The following TAFA2 variants were observed in gnomAD, a reference collection of about 807,000 sequenced individuals.
TAFA2 encodes the protein TAFA chemokine like family member 2, also known as chemokine-like protein TAFA-2.
Under a neutral mutation model 18.8 loss-of-function variants are expected in TAFA2, and 7 were observed. The observed-to-expected ratio is 0.37, with a 90% CI of 0.21 to 0.70. The LOEUF (loss-of-function observed/expected upper bound fraction) is 0.70, where lower values mean the gene tolerates loss of function less well. TAFA2 is among the 30% of genes least tolerant of loss of function. The pLI is 0.53. For synonymous variants in TAFA2, 60 were observed against 54.2 expected (o/e 1.11, Z -0.47); for missense variants, 122 against 158.1 (o/e 0.77, Z 1.23).
chr12:61,777,434 A>C (rs1202749831), intron 2 of TAFA2, among the ~76,000 whole-genome samples: 4 of 151,886 alleles, frequency 2.6e-5, no homozygotes, highest in Admixed American at 6.6e-5. Context: ...TTATAAATTC[A>C]GGGAGAGTCC....
At chr12:61,990,629 G>C (rs550728664) in intron 1 of TAFA2, among the ~76,000 whole-genome samples, 1 of 151,544 alleles carries the variant, frequency 6.6e-6, no homozygotes, top group South Asian at 2.1e-4. Context: ...ATGAGCGCCC[G>C]GCCCACTGTG....
chr12:62,227,769 C>T (rs766484762), intron 1 of TAFA2, among the ~76,000 whole-genome samples: 1 of 152,106 alleles, frequency 6.6e-6, no homozygotes, highest in African/African-American at 2.4e-5. Context: ...GTATTTAATC[C>T]ATTTTTATTT....
intron 1 of TAFA2, among the ~76,000 whole-genome samples, chr12:61,999,090 C>A (rs1299776923): frequency 2.6e-5 from 4 of 152,174 alleles, no homozygotes; most frequent in East Asian, 3.8e-4. Flanking sequence ...CTAGAGATTT[C>A]ATTTAAGACT....
chr12:61,989,310 C>T (rs776621139), intron 1 of TAFA2, among the ~76,000 whole-genome samples: 1 of 152,134 alleles, frequency 6.6e-6, no homozygotes, highest in African/African-American at 2.4e-5. Flanking sequence ...CCTATACAAA[C>T]ATGAACTGTT....
intron 1 of TAFA2, among the ~76,000 whole-genome samples, chr12:62,145,813 T>C (rs1457440495): frequency 6.6e-6 from 1 of 152,230 alleles, no homozygotes; most frequent in Non-Finnish European, 1.5e-5. Flanking sequence ...CTTGACATAA[T>C]GGAATTTAGT....
At position 62,207,108 on chromosome 12, in the gene TAFA2, G is replaced by C. The variant is rs147659358; in HGVS notation, c.-130+51655C>G. The stretch of plus-strand genomic sequence containing the variant: ...ACTCTATTAATTATTTTTCCTATGT[G>C]TTCCCAAACATCTATACTTCCCTCC... On this transcript the variant is annotated intron_variant, in intron 1 of 5. Transcript: ENST00000551619. 1.7e-3 allele frequency: 252 copies of C among 152,170 alleles called. 1 individual carries two copies. The highest frequency in any genetic ancestry group is 5.8e-3 in the African/African-American group (242 of 41,504). The allele number at this position is 152,170 out of a possible 1,614,324, so 9.4% of individuals were successfully genotyped here.
At chr12:61,845,883 C>T (rs984541981) in intron 2 of TAFA2, among the ~76,000 whole-genome samples, 7 of 151,994 alleles carry the variant, frequency 4.6e-5, no homozygotes, top group African/African-American at 1.7e-4. Context: ...CCAAAATATT[C>T]CTGATAGAAT....
chr12:61,764,126 C>T (rs1180588432), intron 2 of TAFA2, among the ~76,000 whole-genome samples: 2 of 151,964 alleles, frequency 1.3e-5, no homozygotes, highest in Non-Finnish European at 2.9e-5. Context: ...GTCACACCTC[C>T]TACATTTACC....
At chr12:61,977,884 G>C (rs1197176703) in intron 1 of TAFA2, among the ~76,000 whole-genome samples, 2 of 148,520 alleles carry the variant, frequency 1.3e-5, no homozygotes, top group African/African-American at 5.0e-5. Context: ...GATATCCTTT[G>C]ATTGTGAAGG....
chr12:62,194,951 C>CT (rs1194186387), upstream of TAFA2, among the ~76,000 whole-genome samples: 4 of 152,070 alleles, frequency 2.6e-5, no homozygotes, highest in African/African-American at 7.2e-5. Context: ...TGGTTTAATG[C>CT]TTTTTTTAAA....
chr12:62,144,857 A>G (rs1369772737), intron 1 of TAFA2, among the ~76,000 whole-genome samples: 2 of 152,178 alleles, frequency 1.3e-5, no homozygotes, highest in African/African-American at 4.8e-5. Context: ...AAATCGGTCT[A>G]GTAGTTATGC....
intron 1 of TAFA2, among the ~76,000 whole-genome samples, chr12:62,150,034 T>C (rs2062316741): frequency 6.6e-6 from 1 of 152,232 alleles, no homozygotes; most frequent in African/African-American, 2.4e-5. Flanking sequence ...TAGCCTCCAG[T>C]AAACTGAAAG....
intron 1 of TAFA2, among the ~76,000 whole-genome samples, chr12:62,047,384 A>G (rs960490900): frequency 6.6e-6 from 1 of 152,176 alleles, no homozygotes; most frequent in African/African-American, 2.4e-5. Flanking sequence ...CAGGATCATC[A>G]TAATGATTCA....
intron 1 of TAFA2, among the ~76,000 whole-genome samples, chr12:62,049,303 C>T (rs1458061463): frequency 4.6e-5 from 7 of 152,174 alleles, no homozygotes; most frequent in African/African-American, 1.4e-4. Context: ...ACCAGGACAG[C>T]AAGACATCCT....
chr12:61,989,132 T>C (rs941010325), intron 1 of TAFA2, among the ~76,000 whole-genome samples: 1 of 152,216 alleles, frequency 6.6e-6, no homozygotes, highest in Admixed American at 6.5e-5. Context: ...ACACTGCAGC[T>C]TGATGCTCCT....
At chr12:61,801,943 T>C (rs1195654673) in intron 2 of TAFA2, among the ~76,000 whole-genome samples, 1 of 151,950 alleles carries the variant, frequency 6.6e-6, no homozygotes, top group Non-Finnish European at 1.5e-5. Context: ...AACTTAAAAA[T>C]GGGCAAAGGA....
intron 1 of TAFA2, among the ~76,000 whole-genome samples, chr12:62,131,273 T>C (rs1459751977): frequency 6.6e-6 from 1 of 152,014 alleles, no homozygotes; most frequent in African/African-American, 2.4e-5. Context: ...GGACTCTGGG[T>C]GGCATCCACA....
intron 1 of TAFA2, chr12:61,880,200 C>T: frequency 3.9e-6 from 2 of 507,370 alleles, no homozygotes; most frequent in Non-Finnish European, 7.4e-6. Flanking sequence ...CAGATGCTGG[C>T]CAGGAAGCAC....
intron 2 of TAFA2, among the ~76,000 whole-genome samples, chr12:61,798,908 A>G (rs983555285): frequency 3.3e-5 from 5 of 152,216 alleles, no homozygotes; most frequent in Non-Finnish European, 7.3e-5. Flanking sequence ...AGGAAACACT[A>G]AATGCCAACA....
Sources: allele counts gnomAD v4.1 joint callset (sites outside exome capture counted in the v4.1 genomes callset), GRCh38; gene constraint gnomAD v4.1.1; transcripts MANE v1.5; gene names NCBI Gene and HGNC (gene_info 2026-07-23, HGNC 2026-07-21).